ROBO2: variants seen among roughly 807,000 people sequenced by gnomAD.
The protein encoded by ROBO2 is roundabout homolog 2.
Under a neutral mutation model 160.8 loss-of-function variants are expected in ROBO2, and 53 were observed. That is an observed-to-expected ratio of 0.33 (90% confidence interval 0.26 to 0.41). ROBO2 has a LOEUF of 0.41. Among genes scored for constraint, ROBO2 ranks in the 10% least tolerant of loss-of-function variants. ROBO2 has a pLI of 1.00. For missense variants in ROBO2, 1,577 were observed against 1,722.4 expected (o/e 0.92, Z 1.49); for synonymous variants, 664 against 611.7 (o/e 1.09, Z -1.26).
At chr3:77,208,972 T>C (rs1343413685) in intron 2 of ROBO2, among the ~76,000 whole-genome samples, 1 of 152,208 alleles carries the variant, frequency 6.6e-6, no homozygotes, top group East Asian at 1.9e-4. Context: ...TGAGAGATCA[T>C]TATGGCTTAT....
intron 2 of ROBO2, among the ~76,000 whole-genome samples, chr3:76,531,075 G>A (rs2082198881): frequency 6.6e-6 from 1 of 152,154 alleles, no homozygotes; most frequent in Non-Finnish European, 1.5e-5. Context: ...TTGAAGCAAA[G>A]TCATAAAATT....
In ROBO2 at chr3:76,812,909, A is replaced by ATTTTTTTTTTTT. The variant is rs71104626; in HGVS notation, c.110-285090_110-285079dup. 8.2e-4 allele frequency among the ~76,000 whole-genome samples: 86 copies of ATTTTTTTTTTTT among 104,652 alleles called. 3 individuals carry two copies. The highest frequency in any genetic ancestry group is 2.7e-3 in the African/African-American group (73 of 27,538). The allele number at this position is 104,652 out of a possible 152,430, so 68.7% of individuals were successfully genotyped here. A position where few individuals can be genotyped will look rare whatever the true frequency, so the allele number is the denominator to read the frequency against. ...AAAGTGTCCTGGCACAGAAGTATAA[A>ATTTTTTTTTTTT]TTTTTTTTTTTTTTTTTTTTTTTTT... On this transcript the variant is annotated intron_variant, in intron 2 of 26. Coordinates refer to the ROBO2 transcript ENST00000487694.
chr3:76,975,839 C>A (rs2149303724), intron 2 of ROBO2, among the ~76,000 whole-genome samples: 1 of 152,080 alleles, frequency 6.6e-6, no homozygotes, highest in Admixed American at 6.6e-5. Context: ...CTTTGTTTCT[C>A]CAAAACTCTT....
At chr3:76,071,262 T>C (rs920917720) in intron 2 of ROBO2, among the ~76,000 whole-genome samples, 2 of 152,208 alleles carry the variant, frequency 1.3e-5, no homozygotes, top group African/African-American at 2.4e-5. Flanking sequence ...TTCTTTGGAT[T>C]CCCACAAAAC....
intron 2 of ROBO2, among the ~76,000 whole-genome samples, chr3:77,273,997 T>C (rs558518114): frequency 1.4e-4 from 22 of 152,152 alleles, no homozygotes; most frequent in Non-Finnish European, 2.5e-4. Context: ...TGTTTTTTTT[T>C]CCCATAAGTT....
chr3:77,613,252 C>A (rs1480509488), intron 21 of ROBO2, among the ~76,000 whole-genome samples: 1 of 150,610 alleles, frequency 6.6e-6, no homozygotes, highest in East Asian at 1.9e-4. Flanking sequence ...TGTGTATATC[C>A]CCATTAGATT....
At chr3:76,021,210 G>C (rs967167656) in intron 2 of ROBO2, among the ~76,000 whole-genome samples, 1 of 151,734 alleles carries the variant, frequency 6.6e-6, no homozygotes, top group African/African-American at 2.4e-5. Flanking sequence ...GCCTAGATTG[G>C]AGGAAGGTCA....
chr3:77,388,573 T>C (rs1390429506), intron 2 of ROBO2, among the ~76,000 whole-genome samples: 1 of 152,198 alleles, frequency 6.6e-6, no homozygotes, highest in African/African-American at 2.4e-5. Flanking sequence ...ATTAAAGGCA[T>C]CCTTATTGTA....
chr3:77,109,853 T>C lies in ROBO2; in HGVS notation c.388+11513T>C, dbSNP rs936295153. 1.4e-4 allele frequency among the ~76,000 whole-genome samples: 21 copies of C among 152,218 alleles called. 1 individual carries two copies. The highest frequency in any genetic ancestry group is 4.6e-4 in the African/African-American group (19 of 41,464). ...ACTTGAACAAGCAAACAAAATCATT[T>C]GACACTTAAAAGAGTCATTAGCATT... On this transcript the variant is annotated intron_variant, in intron 2 of 25. Coordinates refer to ENST00000461745, the Ensembl canonical transcript of ROBO2.
At chr3:77,494,571 G>T (rs1050216102) in intron 5 of ROBO2, among the ~76,000 whole-genome samples, 3 of 152,040 alleles carry the variant, frequency 2.0e-5, no homozygotes, top group Admixed American at 2.0e-4. Flanking sequence ...GAGTGAGACT[G>T]TCTGAAAAAG....
intron 6 of ROBO2, among the ~76,000 whole-genome samples, chr3:77,543,833 C>G (rs1014659512): frequency 6.6e-6 from 1 of 152,108 alleles, no homozygotes; most frequent in Non-Finnish European, 1.5e-5. Flanking sequence ...TAAATTCTTT[C>G]TGGCCCAAAG....
chr3:76,674,790 C>T (rs1293424138), intron 2 of ROBO2, among the ~76,000 whole-genome samples: 1 of 152,122 alleles, frequency 6.6e-6, no homozygotes, highest in Non-Finnish European at 1.5e-5. Flanking sequence ...AGGTGGGCAA[C>T]CACACACTCA....
At chr3:77,609,226 T>C (rs1231143108) in intron 21 of ROBO2, among the ~76,000 whole-genome samples, 2 of 152,062 alleles carry the variant, frequency 1.3e-5, no homozygotes, top group Non-Finnish European at 2.9e-5. Context: ...TAAGTTCACA[T>C]TTGAAATGGG....
intron 6 of ROBO2, among the ~76,000 whole-genome samples, chr3:77,529,040 C>T (rs190595578): frequency 0.011 from 1,712 of 151,576 alleles, 21 homozygotes; most frequent in Non-Finnish European, 0.018. Flanking sequence ...TGACCACTCT[C>T]AGATTTCTTT....
chr3:76,907,823 G>GGTGTGTGTGTGTGTGTGTGT lies in ROBO2; in HGVS notation c.110-190178_110-190159dup, dbSNP rs71104638. Among the ~76,000 whole-genome samples, 130 of 145,524 alleles carry GGTGTGTGTGTGTGTGTGTGT rather than the reference G, an allele frequency of 8.9e-4. 1 individual carries two copies. The highest frequency in any genetic ancestry group is 2.6e-3 in the African/African-American group (102 of 38,884). On this transcript the variant is annotated intron_variant, in intron 2 of 26. Transcript: ENST00000487694. ...GCCTTTCTGCTGTTTGTTTGTTTGGGGTGTGTGTGTGTGTGTGTGTGTGTG... is the reference window on the plus strand; with the variant it reads ...GCCTTTCTGCTGTTTGTTTGTTTGGGGTGTGTGTGTGTGTGTGTGTGTGTGTGTGTGTGTGTGTGTGTGTG...
intron 2 of ROBO2, among the ~76,000 whole-genome samples, chr3:77,403,028 T>A (rs1266694564): frequency 1.3e-5 from 2 of 152,200 alleles, no homozygotes; most frequent in East Asian, 3.8e-4. Flanking sequence ...CCCGTACAGA[T>A]ACATTCCACC....
At chr3:77,361,994 C>A (rs890171495) in intron 2 of ROBO2, among the ~76,000 whole-genome samples, 22 of 152,094 alleles carry the variant, frequency 1.4e-4, no homozygotes, top group African/African-American at 5.3e-4. Context: ...ATATTTATAA[C>A]TTAACGGAGA....
intron 2 of ROBO2, among the ~76,000 whole-genome samples, chr3:77,398,150 T>A (rs957029748): frequency 6.6e-6 from 1 of 152,064 alleles, no homozygotes; most frequent in Non-Finnish European, 1.5e-5. Flanking sequence ...TTAAAGCCAA[T>A]TATATGAGCT....
At chr3:76,813,500 G>A (rs1010997953) in intron 2 of ROBO2, among the ~76,000 whole-genome samples, 7 of 151,894 alleles carry the variant, frequency 4.6e-5, no homozygotes, top group African/African-American at 1.7e-4. Flanking sequence ...CTGCCTTTTT[G>A]CTTTAAGAAA....
Sources: allele counts gnomAD v4.1 joint callset (sites outside exome capture counted in the v4.1 genomes callset), GRCh38; gene constraint gnomAD v4.1.1; transcripts MANE v1.5; gene names NCBI Gene and HGNC (gene_info 2026-07-23, HGNC 2026-07-21).